Variants in ZNF793 observed in about 807,000 individuals in gnomAD.
The protein encoded by ZNF793 is zinc finger protein 793.
Under a neutral mutation model 12.4 loss-of-function variants are expected in ZNF793, and 5 were observed. The ratio of observed to expected loss-of-function variants is 0.40; its 90% CI spans 0.21 to 0.84. The LOEUF (loss-of-function observed/expected upper bound fraction) is 0.84, where lower values mean the gene tolerates loss of function less well. Among genes scored for constraint, ZNF793 ranks in the 40% least tolerant of loss-of-function variants. The pLI is 0.35. For missense variants in ZNF793, 456 were observed against 495.0 expected, an observed-to-expected ratio of 0.92 and a Z score of 0.75; for synonymous variants, 162 against 172.4, an observed-to-expected ratio of 0.94 and a Z score of 0.47.
intron 5 of ZNF793, among the ~76,000 whole-genome samples, chr19:37,529,097 C>G (rs1568324167): frequency 6.6e-6 from 1 of 152,154 alleles, no homozygotes; most frequent in African/African-American, 2.4e-5. Flanking sequence ...ACCCTCTTTC[C>G]CTCCCACAAC....
intron 5 of ZNF793, among the ~76,000 whole-genome samples, chr19:37,524,388 C>G (rs2042398216): frequency 6.6e-6 from 1 of 151,968 alleles, no homozygotes; most frequent in African/African-American, 2.4e-5. Context: ...ACTGATTTGA[C>G]CAGTCCCTCA....
At chr19:37,527,643 T>G (rs16973488) in intron 5 of ZNF793, among the ~76,000 whole-genome samples, 1 of 152,178 alleles carries the variant, frequency 6.6e-6, no homozygotes. Flanking sequence ...GCTTTGCATC[T>G]CATGTTATGT....
intron 2 of ZNF793, among the ~76,000 whole-genome samples, chr19:37,511,336 A>G (rs547912847): frequency 1.3e-5 from 2 of 152,320 alleles, no homozygotes; most frequent in South Asian, 2.1e-4. Context: ...CATTCATACC[A>G]TGAGGTAATT....
chr19:37,525,390 G>A (rs1382909695), intron 5 of ZNF793, among the ~76,000 whole-genome samples: 15 of 150,872 alleles, frequency 9.9e-5, no homozygotes, highest in Non-Finnish European at 2.2e-4. Flanking sequence ...CTCCCGCCTC[G>A]GCCTCCCAAA....
chr19:37,508,713 A>G (rs1172271518), intron 2 of ZNF793, among the ~76,000 whole-genome samples: 2 of 152,158 alleles, frequency 1.3e-5, no homozygotes, highest in Non-Finnish European at 2.9e-5. Context: ...CTCAAGATAA[A>G]TAAATAAATA....
intron 7 of ZNF793, chr19:37,536,542 C>A (rs140531063): frequency 5.6e-5 from 23 of 409,148 alleles, no homozygotes; most frequent in Non-Finnish European, 9.0e-5. Context: ...CACATTCTTA[C>A]GTTTACATGT....
At chr19:37,511,482 C>T (rs145178972) in intron 2 of ZNF793, among the ~76,000 whole-genome samples, 2 of 151,996 alleles carry the variant, frequency 1.3e-5, no homozygotes, top group Non-Finnish European at 2.9e-5. Flanking sequence ...ACCAGCCTGG[C>T]CAACACAGTG....
chr19:37,532,198 T>C (rs1201941363), intron 5 of ZNF793, among the ~76,000 whole-genome samples, 158 bp from the exon 6 acceptor site: 1 of 148,216 alleles, frequency 6.7e-6, no homozygotes, highest in Non-Finnish European at 1.5e-5. Flanking sequence ...ATTTTTAGTA[T>C]AGACGGGGTT....
intron 2 of ZNF793, among the ~76,000 whole-genome samples, chr19:37,513,941 G>A (rs2042311909): frequency 6.6e-6 from 1 of 151,656 alleles, no homozygotes; most frequent in South Asian, 2.1e-4. Flanking sequence ...AGAAGTGGAA[G>A]GAATTAATAT....
At chr19:37,511,058 G>T (rs1212424647) in intron 2 of ZNF793, among the ~76,000 whole-genome samples, 1 of 152,070 alleles carries the variant, frequency 6.6e-6, no homozygotes, top group Non-Finnish European at 1.5e-5. Context: ...TTATCTTTAA[G>T]GTGCAGCTCA....
intron 2 of ZNF793, among the ~76,000 whole-genome samples, chr19:37,518,270 C>T (rs1256610336): frequency 2.0e-5 from 3 of 151,908 alleles, no homozygotes. Context: ...GGATTACAGG[C>T]CCCTCCCACC....
chr19:37,521,429 CTTT>C (rs74174472), intron 3 of ZNF793, among the ~76,000 whole-genome samples: 2 of 97,004 alleles, frequency 2.1e-5, no homozygotes, highest in African/African-American at 4.2e-5. Context: ...GGTCAATTCT[CTTT>C]TTTTTTTTTT....
chr19:37,518,157 G>A (rs1600408259), intron 2 of ZNF793, among the ~76,000 whole-genome samples: 2 of 151,852 alleles, frequency 1.3e-5, no homozygotes, highest in South Asian at 2.1e-4. Context: ...GCAGAGTCTC[G>A]CTCTGTCGCC....
chr19:37,521,998 G>T (rs2042379745), intron 3 of ZNF793, among the ~76,000 whole-genome samples: 1 of 151,890 alleles, frequency 6.6e-6, no homozygotes, highest in African/African-American at 2.4e-5. Flanking sequence ...GTACTTCAGG[G>T]TATATTTTCT....
chr19:37,539,998 T>G lies in ZNF793; in HGVS notation c.*2119T>G, dbSNP rs1384831100. 1.3e-5 allele frequency: 2 copies of G among 152,010 alleles called. No homozygotes were observed. The highest frequency in any genetic ancestry group is 3.9e-4 in the East Asian group (2 of 5,174). 9.4% of individuals were successfully genotyped at this position (152,010 alleles called of 1,614,324 possible). On this transcript the variant is annotated 3_prime_UTR_variant, in exon 8 of 8. Transcript: ENST00000627814. ...ATACAGATAGTTGAAAAAAGAAAAC[T>G]TCTGCTGGGTGCGGTGGCTCACGCC...
At chr19:37,532,304 C>G (rs759478497) in intron 5 of ZNF793, 52 bp from the exon 6 acceptor site, 10 of 1,575,764 alleles carry the variant, frequency 6.3e-6, no homozygotes, top group Non-Finnish European at 8.6e-6. Context: ...ATGCCTGGCC[C>G]TGCACAAACA....
chr19:37,507,005 G>A (rs2042253957), intron 1 of ZNF793, 39 bp downstream of exon 1: 1 of 152,256 alleles, frequency 6.6e-6, no homozygotes, highest in Non-Finnish European at 1.5e-5. Flanking sequence ...TCAGATTCAG[G>A]GCGCGGATGC....
At chr19:37,532,259 C>T (rs1471621766) in intron 5 of ZNF793, 97 bp from the exon 6 acceptor site, 15 of 1,420,494 alleles carry the variant, frequency 1.1e-5, no homozygotes, top group African/African-American at 4.3e-5. Flanking sequence ...CCACCTTGGC[C>T]TCCCAAAGTG....
At chr19:37,520,343 G>A (rs1412947027) in intron 3 of ZNF793, 31 bp downstream of exon 3, 1 of 152,392 alleles carries the variant, frequency 6.6e-6, no homozygotes, top group Non-Finnish European at 1.5e-5. Flanking sequence ...GGAGCTGTGA[G>A]TGCCTGGGCA....
Sources: allele counts gnomAD v4.1 joint callset (sites outside exome capture counted in the v4.1 genomes callset), GRCh38; gene constraint gnomAD v4.1.1; transcripts MANE v1.5; gene names NCBI Gene and HGNC (gene_info 2026-07-23, HGNC 2026-07-21).